The following IPO11 variants were observed in gnomAD, a reference collection of about 807,000 sequenced individuals.
IPO11 encodes the protein importin-11.
A neutral mutation model predicts 143.2 loss-of-function variants in IPO11; 66 were observed. That is an observed-to-expected ratio of 0.46 (90% confidence interval 0.38 to 0.57). The LOEUF (loss-of-function observed/expected upper bound fraction) is 0.57, where lower values mean the gene tolerates loss of function less well. Among genes scored for constraint, IPO11 ranks in the 20% least tolerant of loss-of-function variants. The pLI, the probability that IPO11 is intolerant of heterozygous loss-of-function variation, is 0.00. For missense variants in IPO11, 1,026 were observed against 1,141.0 expected, an observed-to-expected ratio of 0.90 and a Z score of 1.45; for synonymous variants, 385 against 377.8, an observed-to-expected ratio of 1.02 and a Z score of -0.22.
intron 1 of IPO11, among the ~76,000 whole-genome samples, chr5:62,429,478 C>T (rs191222748): frequency 1.6e-3 from 246 of 151,590 alleles, no homozygotes; most frequent in Non-Finnish European, 2.8e-3. Flanking sequence ...AGTGTAGTGG[C>T]GTGATCTTGG....
chr5:62,533,289 G>T (rs995369825), intron 22 of IPO11, among the ~76,000 whole-genome samples: 1 of 149,968 alleles, frequency 6.7e-6, no homozygotes, highest in Non-Finnish European at 1.5e-5. Flanking sequence ...TTGGCTCACT[G>T]CAACCTCCGT....
chr5:62,525,273 A>G (rs1209191785), intron 20 of IPO11, among the ~76,000 whole-genome samples: 1 of 152,120 alleles, frequency 6.6e-6, no homozygotes, highest in Non-Finnish European at 1.5e-5. Flanking sequence ...ATTCTTTGAC[A>G]TGTGGAATTG....
chr5:62,489,370 T>G (rs1164374493), intron 14 of IPO11, 21 bp downstream of exon 14: 2 of 1,503,110 alleles, frequency 1.3e-6, no homozygotes, highest in Non-Finnish European at 1.8e-6. Context: ...CTTAAGTGAT[T>G]TAGAAGCATT....
At chr5:62,502,105 AC>A (rs1321837226) in intron 16 of IPO11, among the ~76,000 whole-genome samples, 3 of 152,194 alleles carry the variant, frequency 2.0e-5, no homozygotes, top group African/African-American at 7.2e-5. Context: ...ATTTGGAAGT[AC>A]TGTTGACCTG....
At chr5:62,600,143 A>G (rs1745452368) in intron 28 of IPO11, among the ~76,000 whole-genome samples, 1 of 152,074 alleles carries the variant, frequency 6.6e-6, no homozygotes, top group African/African-American at 2.4e-5. Flanking sequence ...GGTTCAGGCA[A>G]TTTCTCCCAT....
intron 5 of IPO11, among the ~76,000 whole-genome samples, chr5:62,457,455 C>CT (rs1745203979): frequency 6.6e-6 from 1 of 152,134 alleles, no homozygotes; most frequent in African/African-American, 2.4e-5. Flanking sequence ...GCCTTGAAGA[C>CT]TGAGTTAGAC....
At chr5:62,475,954 T>C (rs775658607) in intron 8 of IPO11, among the ~76,000 whole-genome samples, 49 of 152,252 alleles carry the variant, frequency 3.2e-4, no homozygotes, top group Non-Finnish European at 2.4e-4. Context: ...TGAGAAGATA[T>C]CTTAGTCTAC....
At chr5:62,525,803 A>G (rs1289863445) in intron 20 of IPO11, among the ~76,000 whole-genome samples, 2 of 152,226 alleles carry the variant, frequency 1.3e-5, no homozygotes, top group Admixed American at 6.5e-5. Context: ...GAAAGCATCT[A>G]TAGAATTTAA....
chr5:62,544,686 G>C (rs1251771610), intron 24 of IPO11, among the ~76,000 whole-genome samples: 1 of 152,126 alleles, frequency 6.6e-6, no homozygotes, highest in African/African-American at 2.4e-5. Flanking sequence ...TGACATGATT[G>C]TATATTTAGA....
intron 29 of IPO11, among the ~76,000 whole-genome samples, chr5:62,618,357 A>T (rs1746218414): frequency 6.6e-6 from 1 of 152,204 alleles, no homozygotes; most frequent in Non-Finnish European, 1.5e-5. Context: ...TACAAGAATA[A>T]ATGAAAATAA....
At chr5:62,563,744 G>A (rs1160538576) in intron 27 of IPO11, among the ~76,000 whole-genome samples, 1 of 152,056 alleles carries the variant, frequency 6.6e-6, no homozygotes, top group Non-Finnish European at 1.5e-5. Flanking sequence ...AAGTATTTGT[G>A]TGAAATTTTC....
chr5:62,592,923 A>G (rs757885111), intron 28 of IPO11, among the ~76,000 whole-genome samples: 2 of 152,170 alleles, frequency 1.3e-5, no homozygotes, highest in Non-Finnish European at 2.9e-5. Context: ...TTGGGTGGGG[A>G]CACAGCCAAA....
Position 62,470,320 on chromosome 5 carries a change from A to G in IPO11, c.708+12A>G. 1 of 1,612,364 alleles carries G rather than the reference A, an allele frequency of 6.2e-7. No homozygotes were observed. Among genetic ancestry groups the G allele is most frequent in the South Asian group, 1.1e-5 (1 of 90,998 alleles). On this transcript the variant is annotated intron_variant, in intron 7 of 29. Transcript: ENST00000325324. ...ATATGGAGGTGATGGTAAGTGATCG[A>G]AGAAATTTGCTGTGACTTTGGGAAA...
intron 16 of IPO11, among the ~76,000 whole-genome samples, chr5:62,502,954 C>CT (rs1741399069): frequency 6.6e-6 from 1 of 152,140 alleles, no homozygotes; most frequent in Non-Finnish European, 1.5e-5. Context: ...TCCTGAGTAG[C>CT]TGAGATTATA....
rs775581725 is a variant in IPO11, at chr5:62,515,366, T to C, written c.1783-22T>C. The C allele has an allele frequency of 3.2e-6, 5 of 1,545,446 alleles. No homozygotes were observed. The South Asian group carries it at 6.1e-5, about 19-fold the overall frequency. ...TCTTTACCAATAAAATTTTGTTGTT[T>C]CCTCTACTTATATTGTAATAGATAC... On this transcript the variant is annotated intron_variant, in intron 19 of 29. Coordinates refer to ENST00000325324, the MANE Select transcript of IPO11 (RefSeq NM_016338.5).
In IPO11 at chr5:62,504,676, G is replaced by A. The variant is rs1580257547; in HGVS notation, c.1600G>A (p.Glu534Lys). The change falls in exon 17 of 30, where the codon GAA (glutamate) becomes AAA (lysine). Residue 534 changes from glutamate to lysine, a missense_variant. By Grantham distance (56) the Glu-to-Lys change is moderately conservative. Transcript: ENST00000325324. Reference sequence around the variant, plus strand: ...ATATACTTTCTTTTAGGTCCGTATTGAAACAGCTACAACTTTGAAGTTAAA... The same window carrying A: ...ATATACTTTCTTTTAGGTCCGTATTAAAACAGCTACAACTTTGAAGTTAAA... The part of the protein sequence containing the change: ...LQDQDLVVRI[E>K]TATTLKLTVD... 6.8e-7 allele frequency: 1 copy of A among 1,479,988 alleles called. No individual in the cohort carries two copies. The highest frequency in any genetic ancestry group is 9.3e-7 in the Non-Finnish European group (1 of 1,078,512). 91.7% of individuals were successfully genotyped at this position (1,479,988 alleles called of 1,614,324 possible). A position where few individuals can be genotyped will look rare whatever the true frequency, so the allele number is the denominator to read the frequency against.
At chr5:62,624,117 C>A (rs1378556508) in intron 29 of IPO11, among the ~76,000 whole-genome samples, 1 of 152,098 alleles carries the variant, frequency 6.6e-6, no homozygotes, top group African/African-American at 2.4e-5. Flanking sequence ...TCACCACAAC[C>A]TCCACCTCCC....
intron 6 of IPO11, among the ~76,000 whole-genome samples, chr5:62,467,587 C>G (rs1450788117): frequency 1.3e-5 from 2 of 152,166 alleles, no homozygotes; most frequent in African/African-American, 4.8e-5. Context: ...CTACACTTAT[C>G]CTTGTCATGC....
chr5:62,526,286 C>G, intron 21 of IPO11, 29 bp downstream of exon 21: 1 of 1,459,130 alleles, frequency 6.9e-7, no homozygotes. Context: ...TACCATGGAT[C>G]TTATTTTATT....
Sources: gnomAD v4.1 joint callset for allele counts (sites outside exome capture counted in the v4.1 genomes callset) on GRCh38, gnomAD v4.1.1 for gene constraint, MANE v1.5 for transcripts, NCBI Gene and HGNC (gene_info 2026-07-23, HGNC 2026-07-21) for gene names.